Variants in GOSR2 observed in about 807,000 individuals in gnomAD.
The protein encoded by GOSR2 is golgi SNAP receptor complex member 2.
A neutral mutation model predicts 27.9 loss-of-function variants in GOSR2; 20 were observed. The ratio of observed to expected loss-of-function variants is 0.72; its 90% CI spans 0.50 to 1.04. The LOEUF (loss-of-function observed/expected upper bound fraction) is 1.04, where lower values mean the gene tolerates loss of function less well. Among genes scored for constraint, GOSR2 ranks in the 50% least tolerant of loss-of-function variants. GOSR2 has a pLI of 0.00. For missense variants in GOSR2, 261 were observed against 270.5 expected (o/e 0.97, Z 0.25); for synonymous variants, 91 against 98.8 (o/e 0.92, Z 0.47).
chr17:46,958,838 T>C (rs1016811728), intron 6 of GOSR2, among the ~76,000 whole-genome samples: 2 of 152,244 alleles, frequency 1.3e-5, no homozygotes, highest in African/African-American at 4.8e-5. Flanking sequence ...AACGGAGCTC[T>C]AGCCTGCTCT....
In GOSR2 at chr17:46,940,518, T is replaced by C. The variant is rs1437859879; in HGVS notation, c.*1758T>C. The C allele has an allele frequency of 1.2e-6, 2 of 1,613,880 alleles. No individual in the cohort carries two copies. The highest frequency in any genetic ancestry group is 8.5e-7 in the Non-Finnish European group (1 of 1,179,862). ...ACTTTTGGTAATCCATAAAATGGAT[T>C]CTGAGACTGCGACGGCAAGGCTGTC... On this transcript the variant is annotated 3_prime_UTR_variant, in exon 6 of 6. Transcript: ENST00000640051.
downstream of GOSR2, among the ~76,000 whole-genome samples, chr17:46,944,121 C>T (rs575832022): frequency 5.9e-4 from 90 of 152,296 alleles, no homozygotes; most frequent in Admixed American, 1.0e-3. Flanking sequence ...CCAACCTCCT[C>T]AGAAGACAGT....
chr17:46,967,940 G>A (rs924276700), downstream of GOSR2, among the ~76,000 whole-genome samples: 9 of 152,174 alleles, frequency 5.9e-5, no homozygotes, highest in Admixed American at 3.9e-4. Context: ...CACAGAATCC[G>A]ACAGGCTTGG....
chr17:46,945,493 C>T (rs950816804), downstream of GOSR2, among the ~76,000 whole-genome samples: 5 of 152,188 alleles, frequency 3.3e-5, no homozygotes, highest in Admixed American at 6.5e-5. Context: ...TGTTTATTAG[C>T]AGCCTAACCT....
chr17:46,931,297 A>G, intron 3 of GOSR2, 90 bp downstream of exon 3: 5 of 761,040 alleles, frequency 6.6e-6, no homozygotes, highest in Non-Finnish European at 1.2e-5. Context: ...TATTCTGAAA[A>G]CCAACGTACA....
chr17:46,923,885 ATACT>A (rs1443032677), intron 1 of GOSR2: 4 of 397,970 alleles, frequency 1.0e-5, no homozygotes, highest in East Asian at 3.6e-5. Flanking sequence ...TAATGGGGCC[ATACT>A]TACCCTATTT....
intron 6 of GOSR2, among the ~76,000 whole-genome samples, chr17:46,974,388 C>G (rs1217239269): frequency 6.6e-6 from 1 of 152,200 alleles, no homozygotes; most frequent in Non-Finnish European, 1.5e-5. Context: ...CTCCTATAAA[C>G]AGGAAATTAG....
At chr17:46,929,650 C>T in intron 2 of GOSR2, 66 bp downstream of exon 2, 5 of 821,954 alleles carry the variant, frequency 6.1e-6, no homozygotes, top group East Asian at 2.4e-5. Context: ...GGCTGGGCTT[C>T]CTGACTGCAC....
In GOSR2 at chr17:46,941,017, G is replaced by A. The variant is rs960082404; in HGVS notation, c.*2257G>A. On this transcript the variant is annotated 3_prime_UTR_variant, in exon 6 of 6. Coordinates refer to ENST00000640051, the MANE Select transcript of GOSR2 (RefSeq NM_004287.5). ...AGGAGCACCCTCTAGTGGAGGCGGG[G>A]GTGAATTCTTAGGTCGAGCTGATGC... 3 of 1,110,082 alleles carry A rather than the reference G, an allele frequency of 2.7e-6. No individual in the cohort carries two copies. The highest frequency in any genetic ancestry group is 3.2e-5 in the African/African-American group (2 of 62,084). 68.8% of individuals were successfully genotyped at this position (1,110,082 alleles called of 1,614,324 possible).
chr17:46,975,535 C>G (rs758824465), downstream of GOSR2: 1 of 152,268 alleles, frequency 6.6e-6, no homozygotes, highest in African/African-American at 2.4e-5. Context: ...CAGTAAACAC[C>G]CTGCAGGCCT....
downstream of GOSR2, among the ~76,000 whole-genome samples, chr17:46,944,624 T>C (rs989970472): frequency 5.0e-4 from 71 of 140,912 alleles, no homozygotes; most frequent in African/African-American, 1.7e-3. Context: ...TTTTTTTTTT[T>C]CCTCTCATTC....
intron 5 of GOSR2, chr17:46,937,792 G>A (rs2088642200): frequency 6.6e-6 from 1 of 152,180 alleles, no homozygotes; most frequent in African/African-American, 2.4e-5. Flanking sequence ...TTGCAAAGCA[G>A]TATTCCATTG....
chr17:46,934,478 C>T lies in GOSR2; in HGVS notation c.337-551C>T, dbSNP rs146578054. Among the ~76,000 whole-genome samples the T allele has an allele frequency of 1.5e-3, 228 of 152,050 alleles. 1 individual carries two copies. The highest frequency in any genetic ancestry group is 6.8e-3 in the Middle Eastern group (2 of 294). ...CTAAGGTTGCAGTGAGCTGAGATCG[C>T]GCCACTGCACTCCACCCTGGGTGAC... On this transcript the variant is annotated intron_variant, in intron 4 of 5. Coordinates refer to ENST00000640051, the MANE Select transcript of GOSR2 (RefSeq NM_004287.5).
intron 6 of GOSR2, among the ~76,000 whole-genome samples, chr17:46,960,320 TACAA>T (rs756973263): frequency 2.6e-5 from 4 of 152,136 alleles, no homozygotes; most frequent in Non-Finnish European, 4.4e-5. Context: ...TTGGCATACA[TACAA>T]ACAAACACAA....
intron 6 of GOSR2, among the ~76,000 whole-genome samples, chr17:46,965,705 C>T (rs1369362897): frequency 6.6e-6 from 1 of 152,176 alleles, no homozygotes; most frequent in Non-Finnish European, 1.5e-5. Context: ...ACGCTGCAGC[C>T]TCGACCTCCT....
chr17:46,934,059 C>G (rs988643728), intron 4 of GOSR2, among the ~76,000 whole-genome samples: 21 of 152,300 alleles, frequency 1.4e-4, no homozygotes, highest in Admixed American at 1.2e-3. Flanking sequence ...TGCCTATAGT[C>G]CACTTTCAGA....
At chr17:46,925,302 C>G (rs1456929477) in intron 1 of GOSR2, among the ~76,000 whole-genome samples, 1 of 152,196 alleles carries the variant, frequency 6.6e-6, no homozygotes, top group African/African-American at 2.4e-5. Flanking sequence ...GCCAGCTTTG[C>G]CCCACAACTA....
chr17:46,956,550 C>T (rs894073221), intron 6 of GOSR2, among the ~76,000 whole-genome samples: 1 of 152,198 alleles, frequency 6.6e-6, no homozygotes, highest in Non-Finnish European at 1.5e-5. Flanking sequence ...GATCCACCCA[C>T]CTTGGCCTAC....
intron 1 of GOSR2, chr17:46,923,761 A>T: frequency 2.4e-6 from 1 of 419,592 alleles, no homozygotes; most frequent in Non-Finnish European, 4.1e-6. Flanking sequence ...GTTACAGGTT[A>T]TCGCTAAGAA....
Sources: gnomAD v4.1 joint callset for allele counts (sites outside exome capture counted in the v4.1 genomes callset) on GRCh38, gnomAD v4.1.1 for gene constraint, MANE v1.5 for transcripts, NCBI Gene and HGNC (gene_info 2026-07-23, HGNC 2026-07-21) for gene names.